Variants in MTUS2 observed in about 807,000 individuals in gnomAD.
MTUS2 encodes microtubule-associated tumor suppressor candidate 2.
In MTUS2, 40 loss-of-function variants were observed where a neutral mutation model predicts 114.1. The observed-to-expected ratio is 0.35, with a 90% CI of 0.27 to 0.46. The LOEUF (loss-of-function observed/expected upper bound fraction) is 0.46, where lower values mean the gene tolerates loss of function less well. Ranked by LOEUF, MTUS2 falls within the 20% of genes least tolerant of loss-of-function variation. The pLI, the probability that MTUS2 is intolerant of heterozygous loss-of-function variation, is 1.00. For synonymous variants in MTUS2, 688 were observed against 672.0 expected (o/e 1.02, Z -0.37); for missense variants, 1,679 against 1,705.4 (o/e 0.98, Z 0.27).
intron 2 of MTUS2, among the ~76,000 whole-genome samples, chr13:28,988,388 C>T (rs998256675): frequency 3.9e-5 from 6 of 152,122 alleles, no homozygotes; most frequent in Non-Finnish European, 8.8e-5. Flanking sequence ...TGTTTGTTCC[C>T]GGGGAATTCA....
chr13:28,938,688 T>C (rs959516743), intron 2 of MTUS2, among the ~76,000 whole-genome samples: 4 of 152,144 alleles, frequency 2.6e-5, no homozygotes, highest in African/African-American at 4.8e-5. Context: ...GGGAACTTAT[T>C]GGAGAAATTG....
At chr13:28,866,242 C>T (rs559051013) in intron 2 of MTUS2, among the ~76,000 whole-genome samples, 5 of 152,252 alleles carry the variant, frequency 3.3e-5, no homozygotes, top group South Asian at 2.1e-4. Flanking sequence ...TGCACTATCT[C>T]GTTGTTTTGA....
At chr13:29,019,345 T>C (rs1292057430) in intron 2 of MTUS2, among the ~76,000 whole-genome samples, 1 of 152,154 alleles carries the variant, frequency 6.6e-6, no homozygotes, top group African/African-American at 2.4e-5. Flanking sequence ...CTGCTAACAT[T>C]GGTGTCGATG....
chr13:29,196,799 AT>A (rs1385430778), intron 5 of MTUS2, among the ~76,000 whole-genome samples: 3 of 152,198 alleles, frequency 2.0e-5, no homozygotes, highest in African/African-American at 7.2e-5. Context: ...CCATTTTAAG[AT>A]TGAATAATAA....
intron 4 of MTUS2, among the ~76,000 whole-genome samples, chr13:29,078,864 T>C (rs1013453203): frequency 1.3e-5 from 2 of 152,250 alleles, no homozygotes; most frequent in Non-Finnish European, 2.9e-5. Flanking sequence ...TTTCCAACTT[T>C]TGTCTCTTAT....
At chr13:29,242,441 T>C (rs1375014870) in intron 5 of MTUS2, 1 of 172,570 alleles carries the variant, frequency 5.8e-6, no homozygotes, top group Non-Finnish European at 1.3e-5. Flanking sequence ...TTTATGGATA[T>C]ACTACCTTGT....
At chr13:29,501,943 A>C (rs528853219) in intron 15 of MTUS2, among the ~76,000 whole-genome samples, 39 of 152,292 alleles carry the variant, frequency 2.6e-4, no homozygotes, top group African/African-American at 9.1e-4. Context: ...ACACCTATTC[A>C]CATGCCCTGT....
chr13:29,319,898 C>T (rs1052489741), intron 6 of MTUS2, among the ~76,000 whole-genome samples: 11 of 152,142 alleles, frequency 7.2e-5, no homozygotes, highest in Middle Eastern at 3.4e-3. Flanking sequence ...GTCAGGGACT[C>T]CAGGGACTAA....
At chr13:29,177,391 A>T (rs1191346540) in intron 5 of MTUS2, among the ~76,000 whole-genome samples, 2 of 150,706 alleles carry the variant, frequency 1.3e-5, no homozygotes, top group East Asian at 1.9e-4. Flanking sequence ...TAATAATAAT[A>T]ATTATTTAAA....
rs570780226 is a variant in MTUS2 at position 28,868,991 on chromosome 13, C to T, written c.-243+29141C>T. Among the ~76,000 whole-genome samples, 27 of 152,214 alleles carry T rather than the reference C, an allele frequency of 1.8e-4. No individual in the cohort carries two copies. In the South Asian group the frequency reaches 2.1e-3, roughly 12 times the overall value. On this transcript the variant is annotated intron_variant, in intron 2 of 15. Coordinates refer to ENST00000612955, the MANE Select transcript of MTUS2 (RefSeq NM_001033602.4). ...CTCCCTTTACTCTTAGGTGCAAGCA[C>T]GAAGGAGAAGGTTGGCGGACATTTA... is the stretch of plus-strand genomic sequence containing the variant.
intron 6 of MTUS2, chr13:29,307,273 G>T: frequency 1.5e-6 from 1 of 652,646 alleles, no homozygotes; most frequent in South Asian, 1.6e-5. Context: ...AGTCATCCGT[G>T]ACAACTTTGG....
rs189480604 is a variant in MTUS2 at position 29,488,582 on chromosome 13, C to T, written c.3505+577C>T. Among the ~76,000 whole-genome samples the T allele has an allele frequency of 2.2e-3, 330 of 152,018 alleles. 6 individuals carry two copies. The highest frequency in any genetic ancestry group is 3.5e-3 in the East Asian group (18 of 5,148). ...CAGCTGGAGCCTCCAGCCCGAGTAG[C>T]TGGGATTACAGGTGCCCACTACCAC... On this transcript the variant is annotated intron_variant, in intron 11 of 15. Transcript: ENST00000612955.
chr13:29,430,802 T>C (rs1278107803), intron 8 of MTUS2, among the ~76,000 whole-genome samples: 1 of 152,214 alleles, frequency 6.6e-6, no homozygotes, highest in African/African-American at 2.4e-5. Flanking sequence ...AGGAGCATGA[T>C]AGGATTCCAT....
chr13:28,843,987 T>C (rs1297448282), intron 2 of MTUS2, among the ~76,000 whole-genome samples: 3 of 152,248 alleles, frequency 2.0e-5, no homozygotes. Flanking sequence ...GTGATACTCA[T>C]ATTATGTCAA....
chr13:29,055,860 GA>G (rs1321669968), intron 4 of MTUS2, among the ~76,000 whole-genome samples: 2 of 151,634 alleles, frequency 1.3e-5, no homozygotes, highest in South Asian at 2.1e-4. Context: ...GTCTTCTTTT[GA>G]AAAGTATCTG....
intron 8 of MTUS2, among the ~76,000 whole-genome samples, chr13:29,382,423 A>G (rs1160034722): frequency 6.6e-6 from 1 of 152,118 alleles, no homozygotes; most frequent in Non-Finnish European, 1.5e-5. Flanking sequence ...TGGGTGGTGG[A>G]AGAGATAATT....
intron 4 of MTUS2, among the ~76,000 whole-genome samples, chr13:29,097,984 C>T (rs1437470236): frequency 3.9e-5 from 6 of 152,126 alleles, no homozygotes. Flanking sequence ...AATTAAGATA[C>T]ATTCAGTCAG....
chr13:29,350,496 G>A (rs1231234171), intron 7 of MTUS2, among the ~76,000 whole-genome samples: 9 of 151,042 alleles, frequency 6.0e-5, no homozygotes, highest in African/African-American at 1.9e-4. Context: ...ACTCCTCTAT[G>A]ACCAGTTGGA....
intron 5 of MTUS2, among the ~76,000 whole-genome samples, chr13:29,167,085 G>T (rs1415944447): frequency 1.3e-5 from 2 of 152,160 alleles, no homozygotes; most frequent in Non-Finnish European, 2.9e-5. Context: ...AAAAAATGAA[G>T]GATTTCTGGC....
Sources: gnomAD v4.1 joint callset for allele counts (sites outside exome capture counted in the v4.1 genomes callset) on GRCh38, gnomAD v4.1.1 for gene constraint, MANE v1.5 for transcripts, NCBI Gene and HGNC (gene_info 2026-07-23, HGNC 2026-07-21) for gene names.